Variants in ANKRD13C observed in about 807,000 individuals in gnomAD.
ANKRD13C encodes the protein ankyrin repeat domain-containing protein 13C.
In ANKRD13C, 16 loss-of-function variants were observed where a neutral mutation model predicts 65.5. That is an observed-to-expected ratio of 0.24 (90% confidence interval 0.17 to 0.37). ANKRD13C has a LOEUF of 0.37. Among genes scored for constraint, ANKRD13C ranks in the 10% least tolerant of loss-of-function variants. The pLI is 1.00. For synonymous variants in ANKRD13C, 235 were observed against 238.7 expected, an observed-to-expected ratio of 0.98 and a Z score of 0.14; for missense variants, 503 against 655.9, an observed-to-expected ratio of 0.77 and a Z score of 2.55.
intron 12 of ANKRD13C, among the ~76,000 whole-genome samples, chr1:70,267,463 T>G (rs1273525547): frequency 1.3e-5 from 2 of 152,062 alleles, no homozygotes; most frequent in African/African-American, 2.4e-5. Flanking sequence ...TCCGTCAGCC[T>G]CCTAAGTTTA....
chr1:70,347,289 TTGTC>T (rs1156416985), intron 1 of ANKRD13C, among the ~76,000 whole-genome samples: 2 of 152,088 alleles, frequency 1.3e-5, no homozygotes, highest in African/African-American at 4.8e-5. Context: ...ACCATATTGT[TTGTC>T]TGCCTGGCCC....
chr1:70,281,396 C>CTTTTTTTT (rs71583111), intron 9 of ANKRD13C, among the ~76,000 whole-genome samples: 3 of 85,338 alleles, frequency 3.5e-5, no homozygotes, highest in South Asian at 4.6e-4. Context: ...TGACTAAATT[C>CTTTTTTTT]TTTTTTTTTT....
chr1:70,262,443 T>G lies in ANKRD13C; in HGVS notation c.*274A>C. The G allele has an allele frequency of 5.1e-6, 1 of 195,766 alleles. No homozygotes were observed. Among genetic ancestry groups the G allele is most frequent in the East Asian group, 1.2e-4 (1 of 8,366 alleles). The allele number at this position is 195,766 out of a possible 1,614,324, so 12.1% of individuals were successfully genotyped here. ...TTTTAAAAACAAATCACAGCACTCATAGCTGCTTCACATACGCAGGTCTTA... is the reference window on the plus strand; with the variant it reads ...TTTTAAAAACAAATCACAGCACTCAGAGCTGCTTCACATACGCAGGTCTTA... On this transcript the variant is annotated 3_prime_UTR_variant, in exon 13 of 13. Coordinates refer to ENST00000370944, the MANE Select transcript of ANKRD13C (RefSeq NM_030816.5).
intron 1 of ANKRD13C, among the ~76,000 whole-genome samples, chr1:70,348,398 T>A (rs988521330): frequency 3.5e-4 from 54 of 152,194 alleles, no homozygotes; most frequent in African/African-American, 1.3e-3. Flanking sequence ...CCCGAGTAGC[T>A]AGGATTACAG....
intron 12 of ANKRD13C, among the ~76,000 whole-genome samples, chr1:70,264,475 CAAAAAA>C (rs57312096): frequency 2.0e-5 from 1 of 48,930 alleles, no homozygotes; most frequent in Non-Finnish European, 4.1e-5. Context: ...GACTCTATCT[CAAAAAA>C]AAAAAAAAAA....
In ANKRD13C at chr1:70,324,934, G is replaced by C; in HGVS notation, c.496C>G (p.His166Asp). The C allele has an allele frequency of 1.2e-6, 2 of 1,610,982 alleles. No individual in the cohort carries two copies. Among genetic ancestry groups the C allele is most frequent in the Non-Finnish European group, 1.7e-6 (2 of 1,178,302 alleles). ...NKECAHLLLA[H>D]NAPVKVKNAQ... ...TTTTTCACCTTGACTGGAGCATTGTGAGCCAAAAGTAAATGGGCACATTCT... is the reference window on the plus strand; with the variant it reads ...TTTTTCACCTTGACTGGAGCATTGTCAGCCAAAAGTAAATGGGCACATTCT... Residue 166 changes from histidine (H) to aspartate (D), a missense_variant, in exon 3 of 13, where the codon CAC (histidine) becomes GAC (aspartate). Physicochemically the swap from His to Asp is moderately conservative, Grantham distance 81. Transcript: ENST00000370944.
intron 6 of ANKRD13C, among the ~76,000 whole-genome samples, chr1:70,304,228 A>G (rs1399338808): frequency 1.3e-5 from 2 of 151,656 alleles, no homozygotes; most frequent in African/African-American, 4.9e-5. Context: ...TTTTTCGTAT[A>G]GACAAGATTT....
chr1:70,305,163 C>A (rs1680537095), intron 6 of ANKRD13C, among the ~76,000 whole-genome samples: 1 of 152,120 alleles, frequency 6.6e-6, no homozygotes, highest in Non-Finnish European at 1.5e-5. Context: ...TAACCAAATT[C>A]TATTGCTTAA....
At position 70,260,922 on chromosome 1, in the gene ANKRD13C, A is replaced by C. The variant is rs2101080077; in HGVS notation, c.*1795T>G. The C allele has an allele frequency of 6.6e-6, 1 of 152,198 alleles. No homozygotes were observed. The highest frequency in any genetic ancestry group is 1.5e-5 in the Non-Finnish European group (1 of 67,936). 9.4% of individuals were successfully genotyped at this position (152,198 alleles called of 1,614,324 possible). A position where few individuals can be genotyped will look rare whatever the true frequency, so the allele number is the denominator to read the frequency against. On this transcript the variant is annotated 3_prime_UTR_variant, in exon 13 of 13. Coordinates refer to ENST00000370944, the MANE Select transcript of ANKRD13C (RefSeq NM_030816.5). ...AAAACATATATAGCATATTCCTGAAAGTATACCATATTCCTACAAAGTAAG... is the reference window on the plus strand; with the variant it reads ...AAAACATATATAGCATATTCCTGAACGTATACCATATTCCTACAAAGTAAG...
chr1:70,276,892 ATGTT>A, intron 9 of ANKRD13C, 48 bp from the exon 10 acceptor site: 1 of 1,419,676 alleles, frequency 7.0e-7, no homozygotes, highest in Admixed American at 2.1e-5. Flanking sequence ...AGAAAGAAAG[ATGTT>A]ATTTTTTAAA....
At chr1:70,306,550 G>T (rs997535811) in intron 5 of ANKRD13C, among the ~76,000 whole-genome samples, 1 of 152,130 alleles carries the variant, frequency 6.6e-6, no homozygotes, top group Non-Finnish European at 1.5e-5. Context: ...GAGTCAATAT[G>T]ATGCCACTCA....
At chr1:70,295,928 C>T (rs546848980) in intron 8 of ANKRD13C, among the ~76,000 whole-genome samples, 1 of 152,274 alleles carries the variant, frequency 6.6e-6, no homozygotes, top group East Asian at 1.9e-4. Flanking sequence ...TTCAAATGAG[C>T]TCAGCTTTCT....
intron 8 of ANKRD13C, among the ~76,000 whole-genome samples, chr1:70,293,085 TGC>T (rs537868256): frequency 4.5e-4 from 68 of 152,300 alleles, no homozygotes; most frequent in Middle Eastern, 3.4e-3. Flanking sequence ...AAGTTACAGC[TGC>T]CTGTTTTCAA....
intron 8 of ANKRD13C, among the ~76,000 whole-genome samples, chr1:70,295,263 T>A (rs965642821): frequency 3.3e-5 from 5 of 152,054 alleles, no homozygotes; most frequent in African/African-American, 1.2e-4. Flanking sequence ...TTATTTATTT[T>A]TTTTGAGACG....
intron 9 of ANKRD13C, among the ~76,000 whole-genome samples, chr1:70,281,380 A>G (rs1439097246): frequency 7.0e-6 from 1 of 142,078 alleles, no homozygotes; most frequent in Non-Finnish European, 1.5e-5. Flanking sequence ...GCTAGGTGTT[A>G]TCATGTGACT....
At chr1:70,329,775 G>A (rs1681701479) in intron 2 of ANKRD13C, among the ~76,000 whole-genome samples, 1 of 151,650 alleles carries the variant, frequency 6.6e-6, no homozygotes, top group Non-Finnish European at 1.5e-5. Context: ...AATAACCTAT[G>A]ACATAGTCTT....
Position 70,354,709 on chromosome 1 carries a change from T to C in ANKRD13C, c.-301A>G, listed in dbSNP as rs1682925934. On this transcript the variant is annotated 5_prime_UTR_variant, in exon 1 of 13. An upstream start codon of the reference 5' UTR is lost. Coordinates refer to ENST00000370944, the MANE Select transcript of ANKRD13C (RefSeq NM_030816.5). ...TACACCGAAAAACAGGGCACGGCCA[T>C]CTTCCTCTTGCTCCTCTCGCGAGAG... The C allele has an allele frequency of 1.4e-6, 1 of 736,788 alleles. No homozygotes were observed. 45.6% of individuals were successfully genotyped at this position (736,788 alleles called of 1,614,324 possible).
chr1:70,298,728 C>T (rs1680198826), intron 7 of ANKRD13C, among the ~76,000 whole-genome samples: 1 of 152,028 alleles, frequency 6.6e-6, no homozygotes, highest in Non-Finnish European at 1.5e-5. Context: ...CTGAGAGGCT[C>T]ACATATGAGT....
At chr1:70,349,596 G>GCA (rs1003848111) in intron 1 of ANKRD13C, among the ~76,000 whole-genome samples, 1 of 151,626 alleles carries the variant, frequency 6.6e-6, no homozygotes, top group Admixed American at 6.6e-5. Flanking sequence ...ACTTGCAAAT[G>GCA]CACACACACA....
Sources: allele counts gnomAD v4.1 joint callset (sites outside exome capture counted in the v4.1 genomes callset), GRCh38; gene constraint gnomAD v4.1.1; transcripts MANE v1.5; gene names NCBI Gene and HGNC (gene_info 2026-07-23, HGNC 2026-07-21).